Variants in DLG2 observed in about 807,000 individuals in gnomAD.
The protein encoded by DLG2 is discs large MAGUK scaffold protein 2.
A neutral mutation model predicts 132.5 loss-of-function variants in DLG2; 45 were observed. The ratio of observed to expected loss-of-function variants is 0.34; its 90% confidence interval spans 0.27 to 0.44. The LOEUF (loss-of-function observed/expected upper bound fraction) is 0.44. Among genes scored for constraint, DLG2 ranks in the 20% least tolerant of loss-of-function variants. DLG2 has a pLI of 1.00. For synonymous variants in DLG2, 424 were observed against 419.6 expected (o/e 1.01, Z -0.13); for missense variants, 1,045 against 1,196.9 (o/e 0.87, Z 1.87).
intron 3 of DLG2, among the ~76,000 whole-genome samples, chr11:85,481,844 G>C (rs565154566): frequency 6.6e-6 from 1 of 151,690 alleles, no homozygotes; most frequent in South Asian, 2.1e-4. Flanking sequence ...CTCCAGGCTT[G>C]TCCAGTGCCA....
intron 4 of DLG2, among the ~76,000 whole-genome samples, chr11:85,207,332 G>A (rs934407359): frequency 6.6e-6 from 1 of 152,118 alleles, no homozygotes. Context: ...TACCTTCCAG[G>A]TATTTGCCAA....
chr11:84,976,985 T>C (rs886354956), intron 6 of DLG2, among the ~76,000 whole-genome samples: 1 of 152,188 alleles, frequency 6.6e-6, no homozygotes, highest in African/African-American at 2.4e-5. Flanking sequence ...CCAATTCCTC[T>C]ACAAACCGGT....
intron 22 of DLG2, among the ~76,000 whole-genome samples, chr11:83,483,788 G>A (rs2093320110): frequency 6.6e-6 from 1 of 152,100 alleles, no homozygotes; most frequent in Non-Finnish European, 1.5e-5. Context: ...TGTGGCAATG[G>A]AATCCAATAT....
chr11:84,984,666 A>G (rs2056244527), intron 6 of DLG2, among the ~76,000 whole-genome samples: 1 of 152,148 alleles, frequency 6.6e-6, no homozygotes, highest in African/African-American at 2.4e-5. Flanking sequence ...TTGAATGTAA[A>G]TGGCCTAAAT....
At chr11:85,288,173 A>C (rs993966301) in intron 3 of DLG2, among the ~76,000 whole-genome samples, 41 of 152,014 alleles carry the variant, frequency 2.7e-4, no homozygotes, top group African/African-American at 9.9e-4. Flanking sequence ...TGTATGAATT[A>C]AATATTATAT....
intron 15 of DLG2, among the ~76,000 whole-genome samples, chr11:83,919,233 T>A: frequency 6.6e-6 from 1 of 152,154 alleles, no homozygotes; most frequent in Non-Finnish European, 1.5e-5. Flanking sequence ...GCTTTCCTCA[T>A]GTCCAGTGTA....
intron 7 of DLG2, among the ~76,000 whole-genome samples, chr11:84,332,636 G>T (rs1281873525): frequency 3.3e-5 from 5 of 150,302 alleles, no homozygotes; most frequent in Non-Finnish European, 5.9e-5. Flanking sequence ...GAGCCACCGC[G>T]CCTGGCCGCT....
intron 7 of DLG2, among the ~76,000 whole-genome samples, chr11:84,277,352 A>G (rs1462244337): frequency 6.6e-6 from 1 of 152,218 alleles, no homozygotes; most frequent in East Asian, 1.9e-4. Flanking sequence ...ATAAATTTAA[A>G]AAGATTCACG....
chr11:84,509,696 T>C (rs2099251802), intron 7 of DLG2, among the ~76,000 whole-genome samples: 1 of 152,186 alleles, frequency 6.6e-6, no homozygotes, highest in South Asian at 2.1e-4. Context: ...AAAATCTATA[T>C]GTTTAAAATG....
At chr11:83,829,027 T>C (rs1490394674) in intron 17 of DLG2, among the ~76,000 whole-genome samples, 1 of 152,132 alleles carries the variant, frequency 6.6e-6, no homozygotes, top group East Asian at 1.9e-4. Context: ...TTATTGTCTA[T>C]TATGCAAGTC....
intron 6 of DLG2, among the ~76,000 whole-genome samples, chr11:85,024,056 T>C (rs1220864404): frequency 6.6e-6 from 1 of 152,182 alleles, no homozygotes; most frequent in Non-Finnish European, 1.5e-5. Flanking sequence ...ATATACACTG[T>C]TCTAAGATTC....
intron 3 of DLG2, among the ~76,000 whole-genome samples, chr11:85,463,988 G>GTA (rs2092698219): frequency 1.9e-4 from 1 of 5,196 alleles, no homozygotes; most frequent in Non-Finnish European, 4.2e-4. Flanking sequence ...AGACATACAT[G>GTA]TACACACACA....
chr11:83,834,097 A>G (rs905196130), intron 16 of DLG2, among the ~76,000 whole-genome samples: 1 of 152,184 alleles, frequency 6.6e-6, no homozygotes, highest in Admixed American at 6.5e-5. Flanking sequence ...TGACGGATGC[A>G]CACAAAAGCA....
At chr11:84,019,964 C>T (rs1226805852) in intron 11 of DLG2, among the ~76,000 whole-genome samples, 1 of 152,096 alleles carries the variant, frequency 6.6e-6, no homozygotes, top group Admixed American at 6.6e-5. Context: ...AGCAAACTAA[C>T]ACAGAGAGAG....
At position 85,370,047 on chromosome 11, in the gene DLG2, C is replaced by T. The variant is rs568220658; in HGVS notation, c.41-84682G>A. On this transcript the variant is annotated intron_variant, in intron 3 of 27. Transcript: ENST00000376104. Reference sequence around the variant, plus strand: ...AGGTTTGCCAAGTGTTTTGAGGTTACAAACTGGTTTTTGGGTTTTGAAAAG... The same window carrying T: ...AGGTTTGCCAAGTGTTTTGAGGTTATAAACTGGTTTTTGGGTTTTGAAAAG... 3.3e-5 allele frequency among the ~76,000 whole-genome samples: 5 copies of T among 152,288 alleles called. No homozygotes were observed. In the South Asian group the frequency reaches 1.0e-3, roughly 32 times the overall value.
intron 18 of DLG2, among the ~76,000 whole-genome samples, chr11:83,659,363 T>A (rs1337527427): frequency 2.6e-5 from 4 of 152,172 alleles, no homozygotes; most frequent in African/African-American, 4.8e-5. Context: ...GACCAGAGCA[T>A]CTGCAGGAGT....
At chr11:84,331,907 C>T (rs780622210) in intron 7 of DLG2, among the ~76,000 whole-genome samples, 1 of 152,156 alleles carries the variant, frequency 6.6e-6, no homozygotes, top group Non-Finnish European at 1.5e-5. Flanking sequence ...GGGTCCGAGA[C>T]ATCCAAGTCG....
intron 7 of DLG2, among the ~76,000 whole-genome samples, chr11:84,296,611 T>C (rs1275688703): frequency 6.6e-6 from 1 of 152,092 alleles, no homozygotes; most frequent in Admixed American, 6.5e-5. Flanking sequence ...GCTATGTTAT[T>C]TTACTTTTTG....
intron 3 of DLG2, among the ~76,000 whole-genome samples, chr11:85,323,182 A>C (rs1199527587): frequency 6.6e-6 from 1 of 152,084 alleles, no homozygotes; most frequent in African/African-American, 2.4e-5. Flanking sequence ...TAGGCCTTTG[A>C]CCTAATATTA....
Sources: allele counts gnomAD v4.1 joint callset (sites outside exome capture counted in the v4.1 genomes callset), GRCh38; gene constraint gnomAD v4.1.1; transcripts MANE v1.5; gene names NCBI Gene and HGNC (gene_info 2026-07-23, HGNC 2026-07-21).